The following AK8 variants were observed in gnomAD, a reference collection of about 807,000 sequenced individuals.
AK8 encodes the protein ATP-AMP transphosphorylase 8.
In AK8, 44 loss-of-function variants were observed where a neutral mutation model predicts 54.6. That is an observed-to-expected ratio of 0.81 (90% CI 0.63 to 1.04). The LOEUF (loss-of-function observed/expected upper bound fraction) is 1.04, where lower values mean the gene tolerates loss of function less well. Ranked by LOEUF, AK8 falls within the 50% of genes least tolerant of loss-of-function variation. AK8 has a pLI of 0.00. For synonymous variants in AK8, 239 were observed against 245.6 expected (o/e 0.97, Z 0.25); for missense variants, 555 against 613.6 (o/e 0.90, Z 1.01).
chr9:132,872,077 G>A (rs995390804), intron 2 of AK8, among the ~76,000 whole-genome samples: 3 of 152,208 alleles, frequency 2.0e-5, no homozygotes, highest in African/African-American at 7.2e-5. Context: ...GTCCATGCCT[G>A]TAATCTCAAT....
intron 11 of AK8, chr9:132,769,292 A>C (rs925622916): frequency 6.6e-6 from 1 of 152,214 alleles, no homozygotes; most frequent in Non-Finnish European, 1.5e-5. Context: ...TTTTCCGGGT[A>C]AGAGACTCGA....
chr9:132,736,239 T>C (rs1253206194), intron 11 of AK8, among the ~76,000 whole-genome samples: 2 of 147,800 alleles, frequency 1.4e-5, no homozygotes, highest in Non-Finnish European at 3.0e-5. Context: ...TAGTCTGGAG[T>C]GGAATGGCGC....
chr9:132,793,965 T>C (rs1840047148), intron 10 of AK8, among the ~76,000 whole-genome samples: 2 of 152,180 alleles, frequency 1.3e-5, no homozygotes, highest in African/African-American at 4.8e-5. Context: ...ATTTGAAACC[T>C]TCCACAGGGC....
chr9:132,851,698 T>C (rs1342372674), intron 5 of AK8, among the ~76,000 whole-genome samples: 2 of 152,218 alleles, frequency 1.3e-5, no homozygotes, highest in African/African-American at 4.8e-5. Context: ...TGCACGGCAC[T>C]GCAAAGTTGC....
At chr9:132,750,869 G>A (rs549554185) in intron 11 of AK8, among the ~76,000 whole-genome samples, 13 of 151,980 alleles carry the variant, frequency 8.6e-5, no homozygotes, top group Non-Finnish European at 1.8e-4. Context: ...AAAGGTCACC[G>A]CCTGGAAGGC....
chr9:132,823,235 G>A lies in AK8; in HGVS notation c.859C>T (p.Leu287Phe), dbSNP rs781264470. The change falls in exon 9 of 13, where the codon CTC (leucine) becomes TTC (phenylalanine). Residue 287 changes from leucine to phenylalanine, a missense_variant. Transcript: ENST00000298545. ...ACAAGCCTGTATTTCTGGGCCAGGA[G>A]GGCGGCCTGCAGACTTTTCCCACTG... Reference protein sequence around the residue: ...VGSGKSLQAALLAQKYRLVNV... With the variant: ...VGSGKSLQAAFLAQKYRLVNV... 1 of 1,600,196 alleles carries A rather than the reference G, an allele frequency of 6.2e-7. No homozygotes were observed. Among genetic ancestry groups the A allele is most frequent in the Non-Finnish European group, 8.5e-7 (1 of 1,173,832 alleles).
chr9:132,750,206 C>T (rs1837847665), intron 11 of AK8, among the ~76,000 whole-genome samples: 1 of 151,854 alleles, frequency 6.6e-6, no homozygotes, highest in Non-Finnish European at 1.5e-5. Context: ...GCAACCTCCG[C>T]CTCCTGGGTT....
intron 5 of AK8, among the ~76,000 whole-genome samples, chr9:132,835,411 G>T (rs1053820738): frequency 5.3e-5 from 8 of 152,184 alleles, no homozygotes; most frequent in African/African-American, 1.7e-4. Context: ...TGCTTTAGAT[G>T]AAAGTAACAG....
rs1843329051 is a variant in AK8 at position 132,860,176 on chromosome 9, G to A, written c.333+3489C>T. Among the ~76,000 whole-genome samples the A allele has an allele frequency of 6.6e-6, 1 of 152,272 alleles. No individual in the cohort carries two copies. The highest frequency in any genetic ancestry group is 6.5e-5 in the Admixed American group (1 of 15,308). Reference sequence around the variant, plus strand: ...CTTCCAGCCCGGCCTGGACCCAGAAGCATCACATGTCCCTGATGGTCCAGT... The same window carrying A: ...CTTCCAGCCCGGCCTGGACCCAGAAACATCACATGTCCCTGATGGTCCAGT... On this transcript the variant is annotated intron_variant, in intron 4 of 12. Transcript: ENST00000298545. The surrounding 1 kb of genome is among the most constrained non-coding windows in gnomAD (Gnocchi z 4.4).
chr9:132,820,364 T>C (rs562104135), intron 9 of AK8, among the ~76,000 whole-genome samples: 2 of 152,270 alleles, frequency 1.3e-5, no homozygotes, highest in African/African-American at 4.8e-5. Context: ...GCTGAGCAAA[T>C]TGTTTTCTGC....
At chr9:132,727,912 C>T (rs1043606042) in intron 11 of AK8, among the ~76,000 whole-genome samples, 1 of 152,222 alleles carries the variant, frequency 6.6e-6, no homozygotes, top group African/African-American at 2.4e-5. Context: ...TCTCCCCTCA[C>T]TCCTGCTGCC....
intron 10 of AK8, among the ~76,000 whole-genome samples, chr9:132,804,741 T>C (rs1056147447): frequency 3.3e-5 from 5 of 152,100 alleles, no homozygotes; most frequent in Non-Finnish European, 5.9e-5. Flanking sequence ...CCTCCCTCTA[T>C]GTCCGATGAG....
intron 11 of AK8, among the ~76,000 whole-genome samples, chr9:132,766,945 T>C (rs1361199871): frequency 1.3e-5 from 2 of 152,158 alleles, no homozygotes; most frequent in Non-Finnish European, 2.9e-5. Flanking sequence ...AAAATGAAAC[T>C]AGATCTCTAT....
At chr9:132,726,021 C>T (rs1836550575) in intron 12 of AK8, 96 bp from the exon 13 acceptor site, 4 of 1,045,504 alleles carry the variant, frequency 3.8e-6, no homozygotes, top group Non-Finnish European at 5.7e-6. Flanking sequence ...TTTGGGGTGT[C>T]CTGGCCACCA....
intron 11 of AK8, among the ~76,000 whole-genome samples, chr9:132,736,854 T>C (rs1024193980): frequency 6.6e-6 from 1 of 150,796 alleles, no homozygotes; most frequent in Admixed American, 6.6e-5. Context: ...GAAGACATTA[T>C]GCTAAGTAAA....
At chr9:132,785,165 C>T (rs890412770) in intron 11 of AK8, among the ~76,000 whole-genome samples, 2 of 149,128 alleles carry the variant, frequency 1.3e-5, no homozygotes, top group African/African-American at 2.5e-5. Flanking sequence ...AATGCAGTGG[C>T]GTGCTCTCGG....
At chr9:132,772,684 G>A (rs1015862096) in intron 11 of AK8, among the ~76,000 whole-genome samples, 2 of 152,188 alleles carry the variant, frequency 1.3e-5, no homozygotes, top group Admixed American at 6.5e-5. Flanking sequence ...CTGAGCTAGT[G>A]GTCCCTCCTC....
chr9:132,832,455 C>T (rs534389350), intron 5 of AK8, among the ~76,000 whole-genome samples: 36 of 152,252 alleles, frequency 2.4e-4, no homozygotes, highest in African/African-American at 8.4e-4. Flanking sequence ...TTCTGGAAGC[C>T]GAACCAACAT....
At chr9:132,853,649 G>C (rs963593728) in intron 5 of AK8, among the ~76,000 whole-genome samples, 2 of 151,848 alleles carry the variant, frequency 1.3e-5, no homozygotes, top group African/African-American at 4.8e-5. Flanking sequence ...AGCTGGGCAT[G>C]GTGGCACACA....
Sources: allele counts gnomAD v4.1 joint callset (sites outside exome capture counted in the v4.1 genomes callset), GRCh38; gene constraint gnomAD v4.1.1; non-coding constraint Gnocchi (gnomAD v3.1); transcripts MANE v1.5; gene names NCBI Gene and HGNC (gene_info 2026-07-23, HGNC 2026-07-21).